Variants in AGMO observed in about 807,000 individuals in gnomAD.
AGMO encodes the protein alkylglycerol monooxygenase, also known as glyceryl-ether monooxygenase.
AGMO carries 75 observed loss-of-function variants against 60.2 expected under a neutral mutation model. That is an observed-to-expected ratio of 1.25 (90% CI 1.03 to 1.51). The LOEUF (loss-of-function observed/expected upper bound fraction) is 1.51, where lower values mean the gene tolerates loss of function less well. Ranked by LOEUF, AGMO falls within the 40% of genes most tolerant of loss-of-function variation. AGMO has a pLI of 0.00. For missense variants in AGMO, 763 were observed against 525.5 expected (o/e 1.45, Z -4.42); for synonymous variants, 261 against 177.1 (o/e 1.47, Z -3.76).
chr7:15,421,468 T>C (rs1008635097), intron 4 of AGMO, among the ~76,000 whole-genome samples: 1 of 152,150 alleles, frequency 6.6e-6, no homozygotes, highest in Non-Finnish European at 1.5e-5. Context: ...TTGGAACCTA[T>C]TTCAATAGCC....
chr7:15,365,922 C>G (rs1057339958), intron 11 of AGMO, among the ~76,000 whole-genome samples: 9 of 151,936 alleles, frequency 5.9e-5, no homozygotes, highest in Non-Finnish European at 2.9e-5. Flanking sequence ...AGACTCTTTT[C>G]ACTGATTTAA....
downstream of AGMO, among the ~76,000 whole-genome samples, chr7:15,196,555 T>C (rs1036484411): frequency 5.3e-5 from 8 of 152,186 alleles, no homozygotes; most frequent in Non-Finnish European, 1.0e-4. Context: ...TCTCCTTCAT[T>C]CTAGTTTGGC....
rs550623298 is a variant in AGMO, at chr7:15,249,891, T to C, written c.1264-48532A>G. Among the ~76,000 whole-genome samples the C allele has an allele frequency of 3.9e-5, 6 of 152,322 alleles. No individual in the cohort carries two copies. In the East Asian group the frequency reaches 1.2e-3, roughly 29 times the overall value. On this transcript the variant is annotated intron_variant, in intron 12 of 12. Coordinates refer to ENST00000342526, the MANE Select transcript of AGMO (RefSeq NM_001004320.2). ...TTTCTAAAATTTAGCTTGAGAACTT[T>C]AGGTTTATACCATTTCTCTTAGGAA...
the AGMO span, among the ~76,000 whole-genome samples, chr7:15,123,241 T>C: frequency 6.6e-6 from 1 of 152,234 alleles, no homozygotes; most frequent in Non-Finnish European, 1.5e-5. Flanking sequence ...AGCTCACCCC[T>C]GAAAAGTCTA....
chr7:15,559,940 A>G (rs984590853), intron 2 of AGMO, among the ~76,000 whole-genome samples: 3 of 152,154 alleles, frequency 2.0e-5, no homozygotes, highest in African/African-American at 7.2e-5. Flanking sequence ...GTCAAGATAA[A>G]TAATGTTTGC....
chr7:15,557,709 G>C (rs149581444), intron 2 of AGMO, among the ~76,000 whole-genome samples: 1 of 151,776 alleles, frequency 6.6e-6, no homozygotes, highest in African/African-American at 2.4e-5. Flanking sequence ...TTTCAGACAA[G>C]GCTGTAAAAG....
chr7:15,354,371 C>CGT lies in AGMO; in HGVS notation c.1263+11141_1263+11142dup, dbSNP rs1218625543. On this transcript the variant is annotated intron_variant, in intron 12 of 12. Coordinates refer to ENST00000342526, the MANE Select transcript of AGMO (RefSeq NM_001004320.2). ...GTGTATATAGACGTGTGTATATAGA[C>CGT]GTGTGTATACACGTGTGTGTATACA... 8.3e-4 allele frequency among the ~76,000 whole-genome samples: 46 copies of CGT among 55,202 alleles called. 5 individuals are homozygous for CGT. Among genetic ancestry groups the CGT allele is most frequent in the African/African-American group, 5.1e-3 (40 of 7,884 alleles). The allele number at this position is 55,202 out of a possible 152,430, so 36.2% of individuals were successfully genotyped here.
intron 12 of AGMO, among the ~76,000 whole-genome samples, chr7:15,327,273 TA>T: frequency 6.6e-6 from 1 of 152,066 alleles, no homozygotes; most frequent in Non-Finnish European, 1.5e-5. Context: ...GAAAGACAGC[TA>T]AAAATAGAAA....
In AGMO at chr7:15,493,362, C is replaced by CACACCCACAT. The variant is rs71004386; in HGVS notation, c.409+51409_409+51410insATGTGGGTGT. 2.0e-5 allele frequency among the ~76,000 whole-genome samples: 2 copies of CACACCCACAT among 102,264 alleles called. 1 individual carries two copies. Among genetic ancestry groups the CACACCCACAT allele is most frequent in the Non-Finnish European group, 3.7e-5 (2 of 54,676 alleles). The allele number at this position is 102,264 out of a possible 152,430, so 67.1% of individuals were successfully genotyped here. ...ACACACACACACACACACACACACA[C>CACACCCACAT]TTCTTTTTTTTTTTTTTTTTTTTTT... On this transcript the variant is annotated intron_variant, in intron 3 of 12. Coordinates refer to ENST00000342526, the MANE Select transcript of AGMO (RefSeq NM_001004320.2).
the AGMO span, among the ~76,000 whole-genome samples, chr7:15,185,281 T>C: frequency 1.3e-5 from 2 of 152,178 alleles, no homozygotes; most frequent in Non-Finnish European, 2.9e-5. Context: ...AACTAAAAGA[T>C]ATAATATATT....
At chr7:15,492,578 T>A (rs1783096171) in intron 3 of AGMO, among the ~76,000 whole-genome samples, 1 of 150,178 alleles carries the variant, frequency 6.7e-6, no homozygotes, top group African/African-American at 2.4e-5. Flanking sequence ...GCTCCCTGAA[T>A]GGGTTTGAAT....
chr7:15,256,311 C>T (rs1280933918), intron 12 of AGMO, among the ~76,000 whole-genome samples: 8 of 152,134 alleles, frequency 5.3e-5, no homozygotes, highest in Admixed American at 5.2e-4. Flanking sequence ...GGTGGTGGTC[C>T]AATAAATTGT....
At chr7:15,351,436 G>T (rs752226529) in intron 12 of AGMO, among the ~76,000 whole-genome samples, 1 of 152,092 alleles carries the variant, frequency 6.6e-6, no homozygotes, top group Non-Finnish European at 1.5e-5. Context: ...GGGGTGAGGA[G>T]AATTTGATAG....
intron 5 of AGMO, among the ~76,000 whole-genome samples, chr7:15,403,109 T>C (rs1784597867): frequency 6.6e-6 from 1 of 152,004 alleles, no homozygotes; most frequent in Non-Finnish European, 1.5e-5. Flanking sequence ...CTTTTTCAAT[T>C]ACTATTTCGC....
intron 12 of AGMO, among the ~76,000 whole-genome samples, chr7:15,305,457 T>A (rs1780585322): frequency 1.3e-5 from 2 of 151,996 alleles, no homozygotes; most frequent in African/African-American, 4.8e-5. Context: ...AAGTTCAACA[T>A]GTTGCATCAA....
the AGMO span, among the ~76,000 whole-genome samples, chr7:15,187,386 T>C: frequency 1.3e-5 from 2 of 152,230 alleles, no homozygotes; most frequent in Admixed American, 6.5e-5. Context: ...AAAATAACGA[T>C]TTGCATTTCC....
At chr7:15,238,258 A>C (rs1381176170) in intron 12 of AGMO, among the ~76,000 whole-genome samples, 1 of 152,032 alleles carries the variant, frequency 6.6e-6, no homozygotes, top group East Asian at 1.9e-4. Flanking sequence ...TTTTTAAAGA[A>C]AATAATATTT....
At chr7:15,291,241 TTAAA>T (rs1784254880) in intron 12 of AGMO, among the ~76,000 whole-genome samples, 1 of 152,196 alleles carries the variant, frequency 6.6e-6, no homozygotes, top group Non-Finnish European at 1.5e-5. Context: ...TATACCTACA[TTAAA>T]TATTAACTCA....
intron 12 of AGMO, among the ~76,000 whole-genome samples, chr7:15,333,897 T>A (rs1422572809): frequency 1.3e-5 from 2 of 152,094 alleles, no homozygotes; most frequent in Non-Finnish European, 2.9e-5. Context: ...ATAATAATTC[T>A]TCCAGTGTTC....
Sources: allele counts gnomAD v4.1 joint callset (sites outside exome capture counted in the v4.1 genomes callset), GRCh38; gene constraint gnomAD v4.1.1; transcripts MANE v1.5; gene names NCBI Gene and HGNC (gene_info 2026-07-23, HGNC 2026-07-21).